The following HECW1 variants were observed in gnomAD, a reference collection of about 807,000 sequenced individuals.
HECW1 encodes HECT, C2 and WW domain containing E3 ubiquitin protein ligase 1.
In HECW1, 61 loss-of-function variants were observed where a neutral mutation model predicts 182.3. The observed-to-expected ratio is 0.33, with a 90% CI of 0.27 to 0.41. The LOEUF is 0.41. Among genes scored for constraint, HECW1 ranks in the 10% least tolerant of loss-of-function variants. The pLI, the probability that HECW1 is intolerant of heterozygous loss-of-function variation, is 1.00. For synonymous variants in HECW1, 859 were observed against 832.6 expected (o/e 1.03, Z -0.55); for missense variants, 1,739 against 2,108.9 (o/e 0.82, Z 3.44).
At chr7:43,262,245 TGC>T (rs1356619466) in intron 3 of HECW1, among the ~76,000 whole-genome samples, 1 of 134,130 alleles carries the variant, frequency 7.5e-6, no homozygotes, top group East Asian at 2.1e-4. Flanking sequence ...TATGTATGTG[TGC>T]GTGTGTGTGT....
At chr7:43,431,316 T>C (rs2076542021) in intron 8 of HECW1, among the ~76,000 whole-genome samples, 1 of 152,198 alleles carries the variant, frequency 6.6e-6, no homozygotes, top group African/African-American at 2.4e-5. Context: ...TGTTCCTTCA[T>C]TGCTTTGGGA....
chr7:43,141,529 C>T (rs1192378180), intron 2 of HECW1, among the ~76,000 whole-genome samples: 3 of 151,752 alleles, frequency 2.0e-5, no homozygotes, highest in Non-Finnish European at 4.4e-5. Context: ...AACAGAGTTT[C>T]GCTGTTGTTG....
In HECW1 at chr7:43,553,006, G is replaced by A. The variant is rs568522660; in HGVS notation, c.4510+670G>A. ...TCCTGAGCAGTGTGCATGGCTCCAG[G>A]GAAGGGTGTCTCATTTCCTACAGAA... On this transcript the variant is annotated intron_variant, in intron 28 of 29. Coordinates refer to ENST00000395891, the MANE Select transcript of HECW1 (RefSeq NM_015052.5). Among the ~76,000 whole-genome samples, 19 of 152,278 alleles carry A rather than the reference G, an allele frequency of 1.2e-4. 1 individual carries two copies. The South Asian group carries it at 3.3e-3, about 27-fold the overall frequency.
At chr7:43,142,783 C>T (rs1237892520) in intron 2 of HECW1, among the ~76,000 whole-genome samples, 1 of 152,220 alleles carries the variant, frequency 6.6e-6, no homozygotes, top group Non-Finnish European at 1.5e-5. Context: ...CTTCCTGTGC[C>T]TTATGCTCAG....
At chr7:43,222,896 C>T (rs1002336542) in intron 2 of HECW1, among the ~76,000 whole-genome samples, 2 of 152,198 alleles carry the variant, frequency 1.3e-5, no homozygotes, top group East Asian at 1.9e-4. Flanking sequence ...CCTATTTCAC[C>T]TGTGCATTGG....
chr7:43,308,617 C>G lies in HECW1; in HGVS notation c.28-3146C>G, dbSNP rs373166856. ...TACCATCTACTACTAAATTATCATG[C>G]CTTTCTGTAATTTTTTTTTTTTTTT... On this transcript the variant is annotated intron_variant, in intron 3 of 29. Transcript: ENST00000395891. 4.0e-5 allele frequency among the ~76,000 whole-genome samples: 6 copies of G among 151,592 alleles called. 1 individual carries two copies. Among genetic ancestry groups the G allele is most frequent in the East Asian group, 3.9e-4 (2 of 5,166 alleles).
chr7:43,231,051 G>A (rs962090669), intron 2 of HECW1, among the ~76,000 whole-genome samples: 2 of 152,134 alleles, frequency 1.3e-5, no homozygotes, highest in Non-Finnish European at 2.9e-5. Flanking sequence ...CTATTCTTTA[G>A]TCCTCTGCAT....
chr7:43,349,618 T>C (rs1814139784), intron 5 of HECW1, among the ~76,000 whole-genome samples: 1 of 152,378 alleles, frequency 6.6e-6, no homozygotes, highest in South Asian at 2.1e-4. Flanking sequence ...TGTCCCTCTT[T>C]GTCTCTTTTA....
Position 43,445,094 on chromosome 7 carries a change from C to T in HECW1, c.1922C>T (p.Ala641Val). 6.2e-7 allele frequency: 1 copy of T among 1,604,638 alleles called. No individual in the cohort carries two copies. The highest frequency in any genetic ancestry group is 8.5e-7 in the Non-Finnish European group (1 of 1,177,032). The change falls in exon 11 of 30, where the codon GCC becomes GTC. Residue 641 changes from alanine to valine, a missense_variant. Physicochemically the swap from Ala to Val is moderately conservative, Grantham distance 64. This residue lies in a region of HECW1 where 971 missense variants were observed against 1,029.1 expected (regional missense o/e 0.94). Coordinates refer to ENST00000395891, the MANE Select transcript of HECW1 (RefSeq NM_015052.5). ...GHSGGHFPSLANGAAQDGDTH... is the reference protein window; with the variant it reads ...GHSGGHFPSLVNGAAQDGDTH... ...TCCGGGGGCCACTTCCCCAGCCTGG[C>T]CAATGGCGCGGCCCAGGATGGCGAC...
chr7:43,256,727 G>A (rs1408617627), intron 3 of HECW1, among the ~76,000 whole-genome samples: 1 of 152,004 alleles, frequency 6.6e-6, no homozygotes, highest in Non-Finnish European at 1.5e-5. Context: ...GTGTGCCAAG[G>A]GAGTGATAAG....
At chr7:43,429,137 T>C (rs2076451133) in intron 8 of HECW1, among the ~76,000 whole-genome samples, 2 of 150,254 alleles carry the variant, frequency 1.3e-5, no homozygotes, top group South Asian at 4.2e-4. Flanking sequence ...TAATTTGCCA[T>C]AGCAGTATGT....
chr7:43,233,683 A>G (rs947479764), intron 2 of HECW1, among the ~76,000 whole-genome samples: 1 of 152,210 alleles, frequency 6.6e-6, no homozygotes, highest in Non-Finnish European at 1.5e-5. Context: ...TAAAGGTGCA[A>G]CTGGACTCTG....
At chr7:43,436,499 C>T (rs922103741) in intron 8 of HECW1, among the ~76,000 whole-genome samples, 1 of 151,934 alleles carries the variant, frequency 6.6e-6, no homozygotes, top group African/African-American at 2.4e-5. Flanking sequence ...GGCTGTTTTA[C>T]AGGATTTGGG....
chr7:43,419,259 G>A (rs376086103), intron 8 of HECW1, among the ~76,000 whole-genome samples: 43 of 152,288 alleles, frequency 2.8e-4, no homozygotes, highest in East Asian at 2.1e-3. Flanking sequence ...TGACTGTGGC[G>A]GCATTCAGGG....
intron 3 of HECW1, among the ~76,000 whole-genome samples, chr7:43,309,924 G>A (rs902019056): frequency 6.6e-6 from 1 of 152,114 alleles, no homozygotes; most frequent in African/African-American, 2.4e-5. Context: ...TATTGAGCAG[G>A]TACTGTACTA....
At chr7:43,460,755 T>C (rs1274464405) in intron 13 of HECW1, among the ~76,000 whole-genome samples, 1 of 152,220 alleles carries the variant, frequency 6.6e-6, no homozygotes, top group African/African-American at 2.4e-5. Context: ...CCTCTGAGGC[T>C]GCAGTCCTGC....
intron 6 of HECW1, among the ~76,000 whole-genome samples, chr7:43,390,642 C>G (rs774956837): frequency 6.6e-6 from 1 of 151,662 alleles, no homozygotes; most frequent in Non-Finnish European, 1.5e-5. Flanking sequence ...GGAAATGACC[C>G]CAGGGGGTTA....
chr7:43,349,898 T>G (rs1814193111), intron 5 of HECW1, among the ~76,000 whole-genome samples: 1 of 152,226 alleles, frequency 6.6e-6, no homozygotes, highest in Non-Finnish European at 1.5e-5. Context: ...TGTTCTTTGT[T>G]GCCTGTGTAC....
intron 21 of HECW1, among the ~76,000 whole-genome samples, chr7:43,502,105 C>T (rs1047071577): frequency 5.9e-5 from 9 of 152,194 alleles, no homozygotes; most frequent in South Asian, 2.1e-4. Context: ...AGTCACTCTC[C>T]GAGCATTTCA....
Sources: gnomAD v4.1 joint callset for allele counts (sites outside exome capture counted in the v4.1 genomes callset) on GRCh38, gnomAD v4.1.1 for gene constraint, gnomAD v4.1.1 regional missense constraint, MANE v1.5 for transcripts, NCBI Gene and HGNC (gene_info 2026-07-23, HGNC 2026-07-21) for gene names.